The following ELAVL1 variants were observed in gnomAD, a reference collection of about 807,000 sequenced individuals.
The protein encoded by ELAVL1 is ELAV like RNA binding protein 1, also known as ELAV-like protein 1.
Under a neutral mutation model 28.4 loss-of-function variants are expected in ELAVL1, and 1 was observed. The observed-to-expected ratio is 0.04, with a 90% CI of 0.01 to 0.17. The LOEUF (loss-of-function observed/expected upper bound fraction) is 0.17. Ranked by LOEUF, ELAVL1 falls within the 10% of genes least tolerant of loss-of-function variation. ELAVL1 has a pLI of 1.00. For synonymous variants in ELAVL1, 174 were observed against 183.5 expected, an observed-to-expected ratio of 0.95 and a Z score of 0.42; for missense variants, 157 against 447.2, an observed-to-expected ratio of 0.35 and a Z score of 5.85.
In ELAVL1 at chr19:7,979,561, C is replaced by T. The variant is rs1985395057; in HGVS notation, c.276+1522G>A. ...ATTTTCTAAATAGGGGAGAGAATTC[C>T]TAGATGGGGAGTCCAGGGCCAAGGA... is the stretch of plus-strand genomic sequence containing the variant. On this transcript the variant is annotated intron_variant, in intron 3 of 5. Coordinates refer to ENST00000407627, the MANE Select transcript of ELAVL1 (RefSeq NM_001419.3). The surrounding 1 kb of genome is among the most constrained non-coding windows in gnomAD (Gnocchi z 5.4). Among the ~76,000 whole-genome samples, 1 of 152,228 alleles carries T rather than the reference C, an allele frequency of 6.6e-6. No homozygotes were observed. Among genetic ancestry groups the T allele is most frequent in the African/African-American group, 2.4e-5 (1 of 41,458 alleles).
At chr19:7,970,048 C>G (rs1985064267) in intron 4 of ELAVL1, among the ~76,000 whole-genome samples, 1 of 152,202 alleles carries the variant, frequency 6.6e-6, no homozygotes, top group Non-Finnish European at 1.5e-5. Context: ...TCTCAGCTCA[C>G]TGCAACCTCC....
At chr19:7,992,006 T>C (rs1475104553) in intron 1 of ELAVL1, among the ~76,000 whole-genome samples, 175 bp from the exon 2 acceptor site, 1 of 149,788 alleles carries the variant, frequency 6.7e-6, no homozygotes, top group African/African-American at 2.5e-5. Context: ...AGTGGCACAA[T>C]CTCGGCTTAC....
chr19:7,979,157 T>C lies in ELAVL1; in HGVS notation c.276+1926A>G, dbSNP rs541606004. Among the ~76,000 whole-genome samples, 44 of 152,320 alleles carry C rather than the reference T, an allele frequency of 2.9e-4. No individual in the cohort carries two copies. The highest frequency in any genetic ancestry group is 1.5e-3 in the Admixed American group (23 of 15,304). ...CGGGGAGACCTGGGGAGAAATTACTTAGGGCTGTCACGTCCCCATGAGGCT... is the reference window on the plus strand; with the variant it reads ...CGGGGAGACCTGGGGAGAAATTACTCAGGGCTGTCACGTCCCCATGAGGCT... On this transcript the variant is annotated intron_variant, in intron 3 of 5. Transcript: ENST00000407627. The surrounding 1 kb of genome is among the most constrained non-coding windows in gnomAD (Gnocchi z 5.4).
At chr19:7,996,918 A>G (rs761034597) in intron 1 of ELAVL1, among the ~76,000 whole-genome samples, 1 of 152,250 alleles carries the variant, frequency 6.6e-6, no homozygotes, top group Non-Finnish European at 1.5e-5. Flanking sequence ...AGACAGGCAC[A>G]TGAAAAGATG....
Position 7,981,015 on chromosome 19 carries a change from T to A in ELAVL1, c.276+68A>T, listed in dbSNP as rs1985447131. On this transcript the variant is annotated intron_variant, in intron 3 of 5. Transcript: ENST00000407627. The surrounding 1 kb of genome is among the most constrained non-coding windows in gnomAD (Gnocchi z 4.2). ...GTCCCTTGGAGAGTGACTGTGAGGC[T>A]GGGCGGGGCTCAGCACAGACCTGTG... 2.0e-6 allele frequency: 3 copies of A among 1,505,898 alleles called. No individual in the cohort carries two copies. Among genetic ancestry groups the A allele is most frequent in the Non-Finnish European group, 2.8e-6 (3 of 1,083,588 alleles). The allele number at this position is 1,505,898 out of a possible 1,614,324, so 93.3% of individuals were successfully genotyped here.
chr19:7,965,089 C>T (rs1041972175), intron 5 of ELAVL1, among the ~76,000 whole-genome samples: 5 of 152,224 alleles, frequency 3.3e-5, no homozygotes, highest in South Asian at 2.1e-4. Context: ...ACTAGCCCAA[C>T]GGTGATTTTC....
rs759364043 is a variant in ELAVL1 at position 7,973,740 on chromosome 19, C to T, written c.415G>A (p.Val139Met). 4.3e-6 allele frequency: 7 copies of T among 1,613,948 alleles called. No individual in the cohort carries two copies. The highest frequency in any genetic ancestry group is 1.3e-5 in the African/African-American group (1 of 74,926). The stretch of plus-strand genomic sequence containing the variant: ...CCTCTGGTACCTGTAGTCTGATCCA[C>T]GAGGACCCGCGAGTTGATGATCCGC... The part of the protein sequence containing the change: ...FGRIINSRVL[V>M]DQTTGLSRGV... The change falls in exon 4 of 6, where the codon GTG becomes ATG. Residue 139 changes from valine (V) to methionine (M), a missense_variant. Physicochemically the swap from Val to Met is conservative, Grantham distance 21. Transcript: ENST00000407627.
chr19:7,981,355 CT>C lies in ELAVL1; in HGVS notation c.173-170del, dbSNP rs145288081. ...CATTTTCTGCAATGAACACAGGTTC[CT>C]TTTTTTTTTTTTTTTTAAAGAGATA... On this transcript the variant is annotated intron_variant, in intron 2 of 5. Coordinates refer to ENST00000407627, the MANE Select transcript of ELAVL1 (RefSeq NM_001419.3). This position sits in a 1 kb window ranked among gnomAD's most constrained non-coding sequence, Gnocchi z 4.2. Among the ~76,000 whole-genome samples the C allele has an allele frequency of 0.17, 23,566 of 140,542 alleles. 2,071 individuals are homozygous for C. Among genetic ancestry groups the C allele is most frequent in the Non-Finnish European group, 0.22 (14,279 of 64,626 alleles). The allele number at this position is 140,542 out of a possible 152,430, so 92.2% of individuals were successfully genotyped here.
intron 4 of ELAVL1, 44 bp from the exon 5 acceptor site, chr19:7,967,834 T>C (rs1193568726): frequency 6.3e-7 from 1 of 1,589,620 alleles, no homozygotes; most frequent in Non-Finnish European, 8.6e-7. Context: ...GGAAAAACGC[T>C]AGGACTTTCA....
At chr19:7,995,931 G>C (rs78634511) in intron 1 of ELAVL1, among the ~76,000 whole-genome samples, 1 of 126,038 alleles carries the variant, frequency 7.9e-6, no homozygotes, top group African/African-American at 2.8e-5. Context: ...TTTTTTTTTT[G>C]AGTCAAAGTC....
intron 1 of ELAVL1, among the ~76,000 whole-genome samples, chr19:8,003,270 T>G (rs1447790592): frequency 1.5e-5 from 2 of 130,742 alleles, no homozygotes; most frequent in East Asian, 4.8e-4. Context: ...CTGCCTGTAA[T>G]CCCAGCTACT....
At position 7,960,100 on chromosome 19, in the gene ELAVL1, C is replaced by G. The variant is rs540649524; in HGVS notation, c.*3383G>C. ...TCATGTCTTTTCAATGCCTGGTGGA[C>G]AAATGGCCTTCATTTGGAAGCAAAC... is the stretch of plus-strand genomic sequence containing the variant. On this transcript the variant is annotated 3_prime_UTR_variant, in exon 6 of 6. Transcript: ENST00000407627. 1 of 152,202 alleles carries G rather than the reference C, an allele frequency of 6.6e-6. No individual in the cohort carries two copies. The highest frequency in any genetic ancestry group is 1.5e-5 in the Non-Finnish European group (1 of 68,040). The allele number at this position is 152,202 out of a possible 1,614,324, so 9.4% of individuals were successfully genotyped here.
At chr19:7,977,772 TG>T (rs1308386733) in intron 3 of ELAVL1, among the ~76,000 whole-genome samples, 1 of 152,228 alleles carries the variant, frequency 6.6e-6, no homozygotes, top group African/African-American at 2.4e-5. Flanking sequence ...TGTGCAGGGC[TG>T]GGGCCTCAGA....
chr19:7,972,725 C>T (rs1985150789), intron 4 of ELAVL1, among the ~76,000 whole-genome samples: 1 of 148,412 alleles, frequency 6.7e-6, no homozygotes, highest in South Asian at 2.1e-4. Flanking sequence ...CTCCTGGGCT[C>T]AAGCAATCCT....
At chr19:7,989,093 G>A (rs1282038454) in intron 2 of ELAVL1, among the ~76,000 whole-genome samples, 3 of 152,172 alleles carry the variant, frequency 2.0e-5, no homozygotes, top group African/African-American at 4.8e-5. Flanking sequence ...GATCAGATTC[G>A]CCGGGGTGCC....
chr19:7,993,800 G>A (rs2145224725), intron 1 of ELAVL1, among the ~76,000 whole-genome samples: 1 of 152,242 alleles, frequency 6.6e-6, no homozygotes, highest in African/African-American at 2.4e-5. Flanking sequence ...CCACGGTCAT[G>A]CGCCTTTGGC....
chr19:7,980,105 G>A (rs1471931524), intron 3 of ELAVL1, among the ~76,000 whole-genome samples: 1 of 152,188 alleles, frequency 6.6e-6, no homozygotes, highest in African/African-American at 2.4e-5. Flanking sequence ...CAGATCTAAA[G>A]GCTCACACAG....
chr19:7,992,466 T>C (rs1985777277), intron 1 of ELAVL1, among the ~76,000 whole-genome samples: 1 of 152,298 alleles, frequency 6.6e-6, no homozygotes, highest in Non-Finnish European at 1.5e-5. Context: ...AGGAAAGACA[T>C]TTAAAGGAAC....
chr19:8,003,593 G>A (rs2081076590), intron 1 of ELAVL1, among the ~76,000 whole-genome samples: 1 of 150,754 alleles, frequency 6.6e-6, no homozygotes, highest in African/African-American at 2.4e-5. Context: ...TCGGGAGGCT[G>A]AGGCAGAAGA....
Sources: allele counts gnomAD v4.1 joint callset (sites outside exome capture counted in the v4.1 genomes callset), GRCh38; gene constraint gnomAD v4.1.1; non-coding constraint Gnocchi (gnomAD v3.1); transcripts MANE v1.5; gene names NCBI Gene and HGNC (gene_info 2026-07-23, HGNC 2026-07-21).